The following XAF1 variants were observed in gnomAD, a reference collection of about 807,000 sequenced individuals.
XAF1 encodes XIAP associated factor 1, also known as XIAP-associated factor 1.
A neutral mutation model predicts 32.3 loss-of-function variants in XAF1; 32 were observed. That is an observed-to-expected ratio of 0.99 (90% CI 0.75 to 1.33). XAF1 has a LOEUF of 1.33. Ranked by LOEUF, XAF1 falls within the 40% of genes most tolerant of loss-of-function variation. XAF1 has a pLI of 0.00. For synonymous variants in XAF1, 120 were observed against 125.9 expected, an observed-to-expected ratio of 0.95 and a Z score of 0.31; for missense variants, 379 against 366.0, an observed-to-expected ratio of 1.04 and a Z score of -0.29.
intron 2 of XAF1, chr17:6,759,426 C>G: frequency 7.1e-7 from 1 of 1,414,814 alleles, no homozygotes; most frequent in African/African-American, 1.4e-5. Flanking sequence ...ATCTGTCTCT[C>G]TGGAGATACT....
intron 1 of XAF1, among the ~76,000 whole-genome samples, chr17:6,757,002 T>C (rs1273389622): frequency 6.6e-6 from 1 of 151,888 alleles, no homozygotes; most frequent in Non-Finnish European, 1.5e-5. Flanking sequence ...CTTTTTTTTT[T>C]TTTTTTAAGA....
At chr17:6,759,190 T>C (rs1974975267) in intron 2 of XAF1, 1 of 1,027,980 alleles carries the variant, frequency 9.7e-7, no homozygotes, top group African/African-American at 1.7e-5. Context: ...GAAATGTTAA[T>C]CCTGCCTTTT....
intron 5 of XAF1, among the ~76,000 whole-genome samples, chr17:6,763,502 AT>A (rs913077452): frequency 1.9e-4 from 29 of 149,914 alleles, no homozygotes; most frequent in Non-Finnish European, 2.8e-4. Context: ...TAATTTTTGT[AT>A]TTTTTTTTAG....
Position 6,773,840 on chromosome 17 carries a change from A to G in XAF1, c.*671A>G, listed in dbSNP as rs1976232902. On this transcript the variant is annotated 3_prime_UTR_variant, in exon 7 of 7. Transcript: ENST00000361842. Reference sequence around the variant, plus strand: ...AATAAAATACCTAGGAATACAGCTAACCAGGGAGATGAAAGATCTCTACAA... The same window carrying G: ...AATAAAATACCTAGGAATACAGCTAGCCAGGGAGATGAAAGATCTCTACAA... 1 of 152,216 alleles carries G rather than the reference A, an allele frequency of 6.6e-6. No homozygotes were observed. The highest frequency in any genetic ancestry group is 2.4e-5 in the African/African-American group (1 of 41,456). 9.4% of individuals were successfully genotyped at this position (152,216 alleles called of 1,614,324 possible).
Position 6,760,432 on chromosome 17 carries a change from T to C in XAF1, c.252T>C (p.Val84=), listed in dbSNP as rs1975098440. 6.2e-7 allele frequency: 1 copy of C among 1,612,470 alleles called. No homozygotes were observed. The highest frequency in any genetic ancestry group is 1.3e-5 in the African/African-American group (1 of 74,676). ...CCAATGAGTGCCAGGAGCGCCCTGT[T>C]GAGTGTAAGTTCTGCAAACTGGACA... is the stretch of plus-strand genomic sequence containing the variant. ...HKANECQERP[V]ECKFCKLDMQ... The change falls in exon 4 of 7, where the codon GTT becomes GTC. Residue 84 remains valine (V), a synonymous_variant. Coordinates refer to ENST00000361842, the MANE Select transcript of XAF1 (RefSeq NM_017523.5).
At chr17:6,766,853 A>G (rs1429463041) in intron 5 of XAF1, among the ~76,000 whole-genome samples, 3 of 152,212 alleles carry the variant, frequency 2.0e-5, no homozygotes, top group Admixed American at 1.3e-4. Flanking sequence ...GTTATGCCCC[A>G]GGCTTGATGA....
rs184643491 is a variant in XAF1, at chr17:6,756,243, C to T, written c.32+133C>T. 3,470 of 1,330,080 alleles carry T rather than the reference C, an allele frequency of 2.6e-3. 16 individuals carry two copies. Among genetic ancestry groups the T allele is most frequent in the East Asian group, 0.018 (453 of 25,798 alleles). The allele number at this position is 1,330,080 out of a possible 1,614,324, so 82.4% of individuals were successfully genotyped here. On this transcript the variant is annotated intron_variant, in intron 1 of 6. Transcript: ENST00000361842. ...CTTAGGAGGACAAGCAGCTGGAGAC[C>T]GTGGGCCCCAAGGGTAGGAGGGTTT...
At chr17:6,755,854 C>G (rs1007272955), upstream of XAF1, 1 of 1,372,840 alleles carries the variant, frequency 7.3e-7, no homozygotes, top group African/African-American at 1.5e-5. Flanking sequence ...GCGGCTGTGA[C>G]AGCAGCAAAG....
intron 1 of XAF1, 154 bp downstream of exon 1, chr17:6,756,264 G>T: frequency 1.5e-5 from 21 of 1,369,420 alleles, no homozygotes; most frequent in East Asian, 6.4e-5. Flanking sequence ...AGGGTAGGAG[G>T]GTTTAAACTT....
Position 6,765,083 on chromosome 17 carries a change from C to G in XAF1, c.507+2843C>G, listed in dbSNP as rs576219542. 3.9e-5 allele frequency among the ~76,000 whole-genome samples: 6 copies of G among 152,222 alleles called. No homozygotes were observed. In the East Asian group the frequency reaches 1.2e-3, roughly 29 times the overall value. On this transcript the variant is annotated intron_variant, in intron 5 of 6. Coordinates refer to ENST00000361842, the MANE Select transcript of XAF1 (RefSeq NM_017523.5). ...GTCTCTTCTCTACCTATATTCACTGCCTTCATTATTTCATCCTACCTCCTG... is the reference window on the plus strand; with the variant it reads ...GTCTCTTCTCTACCTATATTCACTGGCTTCATTATTTCATCCTACCTCCTG...
At position 6,773,209 on chromosome 17, in the gene XAF1, A is replaced by C. The variant is rs768025762; in HGVS notation, c.*40A>C. The C allele has an allele frequency of 7.0e-5, 108 of 1,548,300 alleles. No individual in the cohort carries two copies. The highest frequency in any genetic ancestry group is 8.9e-5 in the Non-Finnish European group (101 of 1,138,620). On this transcript the variant is annotated 3_prime_UTR_variant, in exon 7 of 7. Transcript: ENST00000361842. ...AGGTACTACAAATTCAAAAGATTTC[A>C]CTTTTAACACTGGCATTCCTGCCTA...
At chr17:6,763,216 T>A (rs933075031) in intron 5 of XAF1, among the ~76,000 whole-genome samples, 5 of 152,258 alleles carry the variant, frequency 3.3e-5, no homozygotes, top group Non-Finnish European at 7.3e-5. Flanking sequence ...TAGACTCATA[T>A]AATATGTGGT....
intron 4 of XAF1, 64 bp downstream of exon 4, chr17:6,760,665 T>A (rs905876053): frequency 3.3e-5 from 50 of 1,498,244 alleles, no homozygotes; most frequent in Non-Finnish European, 4.3e-5. Context: ...CTGGATGGGA[T>A]GCAAGGAAGG....
rs976613791 is a variant in XAF1 at position 6,774,284 on chromosome 17, C to A, written c.*1115C>A. 2.6e-5 allele frequency: 4 copies of A among 152,176 alleles called. No individual in the cohort carries two copies. Among genetic ancestry groups the A allele is most frequent in the African/African-American group, 9.7e-5 (4 of 41,442 alleles). 9.4% of individuals were successfully genotyped at this position (152,176 alleles called of 1,614,324 possible). The stretch of plus-strand genomic sequence containing the variant: ...AGCTACACACCTACAACCATCTAAT[C>A]TTTGACAAAGTTGACAAAAATACGC... On this transcript the variant is annotated 3_prime_UTR_variant, in exon 7 of 7. Transcript: ENST00000361842.
intron 5 of XAF1, among the ~76,000 whole-genome samples, chr17:6,768,645 T>C (rs1033971570): frequency 1.3e-5 from 2 of 152,224 alleles, no homozygotes; most frequent in African/African-American, 4.8e-5. Flanking sequence ...ACAGCTATTT[T>C]CTCTTATCAT....
At chr17:6,757,811 G>T (rs559705458) in intron 1 of XAF1, among the ~76,000 whole-genome samples, 3 of 151,966 alleles carry the variant, frequency 2.0e-5, no homozygotes, top group Admixed American at 6.5e-5. Context: ...CACCCCAAAA[G>T]CTCCCCATGC....
intron 5 of XAF1, among the ~76,000 whole-genome samples, chr17:6,767,204 A>G (rs1344495226): frequency 2.6e-5 from 4 of 152,224 alleles, no homozygotes; most frequent in Non-Finnish European, 5.9e-5. Context: ...TAAAAATAAA[A>G]GAAATAAAAT....
At chr17:6,759,838 T>C (rs1975037833) in intron 3 of XAF1, 120 bp downstream of exon 3, 1 of 1,555,418 alleles carries the variant, frequency 6.4e-7, no homozygotes. Context: ...TTCACCCCAT[T>C]AGGCTTGGAG....
Position 6,759,439 on chromosome 17 carries a change from A to G in XAF1, c.169-223A>G, listed in dbSNP as rs140283758. On this transcript the variant is annotated intron_variant, in intron 2 of 6. Transcript: ENST00000361842. ...TGATCTGTCTCTCTGGAGATACTCAAGCTCAGGCAGCCGTTGCCAACTCAG... is the reference window on the plus strand; with the variant it reads ...TGATCTGTCTCTCTGGAGATACTCAGGCTCAGGCAGCCGTTGCCAACTCAG... 9.4e-4 allele frequency: 1,331 copies of G among 1,417,872 alleles called. 14 individuals are homozygous for G. The African/African-American group carries it at 0.017, about 18-fold the overall frequency. The allele number at this position is 1,417,872 out of a possible 1,614,324, so 87.8% of individuals were successfully genotyped here.
Sources: gnomAD v4.1 joint callset for allele counts (sites outside exome capture counted in the v4.1 genomes callset) on GRCh38, gnomAD v4.1.1 for gene constraint, MANE v1.5 for transcripts, NCBI Gene and HGNC (gene_info 2026-07-23, HGNC 2026-07-21) for gene names.